DLG2: variants seen among roughly 807,000 people sequenced by gnomAD.
DLG2 encodes the protein discs large MAGUK scaffold protein 2.
A neutral mutation model predicts 132.5 loss-of-function variants in DLG2; 45 were observed. That is an observed-to-expected ratio of 0.34 (90% CI 0.27 to 0.44). The LOEUF (loss-of-function observed/expected upper bound fraction) is 0.44. Among genes scored for constraint, DLG2 ranks in the 20% least tolerant of loss-of-function variants. The pLI, the probability that DLG2 is intolerant of heterozygous loss-of-function variation, is 1.00. For synonymous variants in DLG2, 424 were observed against 419.6 expected, an observed-to-expected ratio of 1.01 and a Z score of -0.13; for missense variants, 1,045 against 1,196.9, an observed-to-expected ratio of 0.87 and a Z score of 1.87.
intron 5 of DLG2, among the ~76,000 whole-genome samples, chr11:85,137,615 C>G (rs1394428239): frequency 6.6e-6 from 1 of 152,138 alleles, no homozygotes; most frequent in African/African-American, 2.4e-5. Flanking sequence ...ATAGGTTCAT[C>G]TCTGGGTTCC....
chr11:85,409,996 T>A (rs1163781013), intron 3 of DLG2, among the ~76,000 whole-genome samples: 2 of 151,926 alleles, frequency 1.3e-5, no homozygotes. Flanking sequence ...TAGGTAGGGA[T>A]GTTTACAGTG....
chr11:85,066,971 A>G (rs1458272658), intron 6 of DLG2, among the ~76,000 whole-genome samples: 1 of 151,784 alleles, frequency 6.6e-6, no homozygotes, highest in Non-Finnish European at 1.5e-5. Context: ...GATCCAAATT[A>G]GAAAACGGGA....
intron 18 of DLG2, among the ~76,000 whole-genome samples, chr11:83,728,827 A>T (rs2090489242): frequency 1.3e-5 from 2 of 152,216 alleles, no homozygotes; most frequent in Non-Finnish European, 2.9e-5. Flanking sequence ...CTGCACTTTA[A>T]CTTACAACTG....
intron 3 of DLG2, among the ~76,000 whole-genome samples, chr11:85,409,244 G>A (rs913579520): frequency 4.6e-5 from 7 of 151,822 alleles, no homozygotes; most frequent in Non-Finnish European, 5.9e-5. Context: ...CACATAGCCA[G>A]AGAAAAATGA....
At chr11:84,744,182 A>C (rs1244266855) in intron 6 of DLG2, among the ~76,000 whole-genome samples, 1 of 152,240 alleles carries the variant, frequency 6.6e-6, no homozygotes, top group Non-Finnish European at 1.5e-5. Flanking sequence ...AACAACAACA[A>C]GGACATAGCC....
chr11:84,213,295 G>C (rs2096782074), intron 8 of DLG2, among the ~76,000 whole-genome samples: 1 of 152,092 alleles, frequency 6.6e-6, no homozygotes, highest in Non-Finnish European at 1.5e-5. Flanking sequence ...CTGTGTATGA[G>C]CCTGACTTTG....
intron 5 of DLG2, among the ~76,000 whole-genome samples, chr11:85,138,634 T>C (rs755607343): frequency 5.5e-4 from 84 of 152,248 alleles, no homozygotes; most frequent in Admixed American, 3.9e-3. Context: ...CGGGAAGTAA[T>C]TGAATCATGG....
At chr11:84,757,474 T>C (rs777218108) in intron 6 of DLG2, among the ~76,000 whole-genome samples, 2 of 152,120 alleles carry the variant, frequency 1.3e-5, no homozygotes, top group Non-Finnish European at 2.9e-5. Flanking sequence ...ATTGGACAGA[T>C]AATCGCTTAA....
intron 18 of DLG2, among the ~76,000 whole-genome samples, chr11:83,637,185 A>T (rs1591424303): frequency 6.6e-6 from 1 of 152,326 alleles, no homozygotes; most frequent in East Asian, 1.9e-4. Context: ...CAACAAGTTA[A>T]AACAGAAAAA....
At position 85,419,183 on chromosome 11, in the gene DLG2, G is replaced by A. The variant is rs181900643; in HGVS notation, c.41-133818C>T. On this transcript the variant is annotated intron_variant, in intron 3 of 27. Coordinates refer to ENST00000376104, the MANE Select transcript of DLG2 (RefSeq NM_001142699.3). Reference sequence around the variant, plus strand: ...ATTCTATTTCTCCTTCGCTTATGAAGCTTAGTTTGGCTACATATGAAATTC... The same window carrying A: ...ATTCTATTTCTCCTTCGCTTATGAAACTTAGTTTGGCTACATATGAAATTC... Among the ~76,000 whole-genome samples, 40 of 152,236 alleles carry A rather than the reference G, an allele frequency of 2.6e-4. 1 individual carries two copies. Among genetic ancestry groups the A allele is most frequent in the South Asian group, 2.1e-3 (10 of 4,812 alleles).
chr11:84,856,890 A>G (rs2082858281), intron 6 of DLG2, among the ~76,000 whole-genome samples: 1 of 152,062 alleles, frequency 6.6e-6, no homozygotes, highest in African/African-American at 2.4e-5. Flanking sequence ...GGAGGCTGAA[A>G]AAGTAATATA....
chr11:83,476,439 T>G (rs956745898), intron 22 of DLG2, among the ~76,000 whole-genome samples: 19 of 152,154 alleles, frequency 1.2e-4, no homozygotes, highest in African/African-American at 4.6e-4. Context: ...GCCATTTCTA[T>G]TCTAATTCAA....
At chr11:84,693,302 C>G (rs1162074109) in intron 6 of DLG2, among the ~76,000 whole-genome samples, 1 of 151,576 alleles carries the variant, frequency 6.6e-6, no homozygotes, top group Non-Finnish European at 1.5e-5. Context: ...TTGGTTGTTT[C>G]TGTAATTGAT....
At chr11:84,638,358 T>A (rs1225386081) in intron 6 of DLG2, among the ~76,000 whole-genome samples, 2 of 152,178 alleles carry the variant, frequency 1.3e-5, no homozygotes, top group Non-Finnish European at 2.9e-5. Flanking sequence ...AGAAATGATA[T>A]CAGCATTTAG....
chr11:84,677,167 C>T (rs559547926), intron 6 of DLG2, among the ~76,000 whole-genome samples: 107 of 152,172 alleles, frequency 7.0e-4, no homozygotes, highest in African/African-American at 2.2e-3. Flanking sequence ...ATCTTGGTTA[C>T]GGCATTCATT....
chr11:83,839,812 T>A (rs1392970505), intron 16 of DLG2, among the ~76,000 whole-genome samples: 3 of 152,212 alleles, frequency 2.0e-5, no homozygotes, highest in Non-Finnish European at 4.4e-5. Context: ...TTGAACCACA[T>A]GGTTCAATAC....
At chr11:84,798,877 C>T (rs561321218) in intron 6 of DLG2, among the ~76,000 whole-genome samples, 40 of 152,248 alleles carry the variant, frequency 2.6e-4, no homozygotes, top group African/African-American at 8.7e-4. Context: ...TCTGGGAGCT[C>T]GGGCCTGGTA....
chr11:84,236,082 G>T (rs1466666838), intron 8 of DLG2, among the ~76,000 whole-genome samples: 2 of 148,616 alleles, frequency 1.3e-5, no homozygotes, highest in Non-Finnish European at 3.0e-5. Context: ...GGCTCAGAGA[G>T]CTTAAGTAAT....
intron 6 of DLG2, among the ~76,000 whole-genome samples, chr11:84,564,361 G>T (rs1184783222): frequency 6.6e-6 from 1 of 152,104 alleles, no homozygotes; most frequent in Non-Finnish European, 1.5e-5. Context: ...CAACCTCAGG[G>T]AACTGACTTT....
Sources: gnomAD v4.1 joint callset for allele counts (sites outside exome capture counted in the v4.1 genomes callset) on GRCh38, gnomAD v4.1.1 for gene constraint, MANE v1.5 for transcripts, NCBI Gene and HGNC (gene_info 2026-07-23, HGNC 2026-07-21) for gene names.